The following TP73 variants were observed in gnomAD, a reference collection of about 807,000 sequenced individuals.
The protein encoded by TP73 is tumor protein p73.
A neutral mutation model predicts 62.5 loss-of-function variants in TP73; 25 were observed. The ratio of observed to expected loss-of-function variants is 0.40; its 90% CI spans 0.29 to 0.56. The LOEUF (loss-of-function observed/expected upper bound fraction) is 0.56. Ranked by LOEUF, TP73 falls within the 20% of genes least tolerant of loss-of-function variation. The pLI, the probability that TP73 is intolerant of heterozygous loss-of-function variation, is 0.46. For synonymous variants in TP73, 423 were observed against 377.5 expected, an observed-to-expected ratio of 1.12 and a Z score of -1.40; for missense variants, 754 against 913.3, an observed-to-expected ratio of 0.83 and a Z score of 2.25.
rs1192837278 is a variant in TP73 at position 3,663,493 on chromosome 1, A to T, written c.-34+10852A>T. Among the ~76,000 whole-genome samples, 1 of 152,122 alleles carries T rather than the reference A, an allele frequency of 6.6e-6. No homozygotes were observed. The highest frequency in any genetic ancestry group is 2.4e-5 in the African/African-American group (1 of 41,430). On this transcript the variant is annotated intron_variant, in intron 1 of 13. Coordinates refer to ENST00000378295, the MANE Select transcript of TP73 (RefSeq NM_005427.4). This position sits in a 1 kb window ranked among gnomAD's most constrained non-coding sequence, Gnocchi z 4.7. ...CACTTTGGGAGGCTGAGTCGGGCGG[A>T]TCACTAGGTCAGGAGATCGAGACTA...
intron 1 of TP73, among the ~76,000 whole-genome samples, chr1:3,658,527 A>G (rs779105837): frequency 7.2e-6 from 1 of 138,706 alleles, no homozygotes; most frequent in Non-Finnish European, 1.6e-5. Context: ...GTCTGGGCAT[A>G]AAGGCTGCCT....
chr1:3,688,762 C>T (rs1301491957), intron 3 of TP73, among the ~76,000 whole-genome samples: 1 of 152,184 alleles, frequency 6.6e-6, no homozygotes, highest in Non-Finnish European at 1.5e-5. Flanking sequence ...GCACTGGGAT[C>T]CCCGCAGCCT....
At chr1:3,732,434 C>G (rs188816414) in intron 13 of TP73, among the ~76,000 whole-genome samples, 4 of 150,406 alleles carry the variant, frequency 2.7e-5, no homozygotes, top group African/African-American at 9.6e-5. Context: ...CAGGGATGAG[C>G]TGGGGGTCCA....
chr1:3,663,389 T>A lies in TP73; in HGVS notation c.-34+10748T>A, dbSNP rs1343984853. On this transcript the variant is annotated intron_variant, in intron 1 of 13. Coordinates refer to ENST00000378295, the MANE Select transcript of TP73 (RefSeq NM_005427.4). The surrounding 1 kb of genome is among the most constrained non-coding windows in gnomAD (Gnocchi z 4.7). Reference sequence around the variant, plus strand: ...GAACTCTGCATATTTTCCTCCTGGGTTTGTGGGGTGTGGACAGCACGGAGC... The same window carrying A: ...GAACTCTGCATATTTTCCTCCTGGGATTGTGGGGTGTGGACAGCACGGAGC... Among the ~76,000 whole-genome samples the A allele has an allele frequency of 6.6e-6, 1 of 151,898 alleles. No individual in the cohort carries two copies. The highest frequency in any genetic ancestry group is 2.4e-5 in the African/African-American group (1 of 41,346).
At chr1:3,684,228 C>G (rs578022175) in intron 3 of TP73, among the ~76,000 whole-genome samples, 1 of 152,366 alleles carries the variant, frequency 6.6e-6, no homozygotes, top group East Asian at 1.9e-4. Context: ...TGCCCCGCCC[C>G]GCCTCCGCCG....
chr1:3,653,727 G>T (rs901862594), intron 1 of TP73, among the ~76,000 whole-genome samples: 1 of 152,196 alleles, frequency 6.6e-6, no homozygotes, highest in Non-Finnish European at 1.5e-5. Context: ...TAAACAAAGC[G>T]CGTGGCCTCT....
At chr1:3,676,883 C>T (rs1271371803) in intron 1 of TP73, among the ~76,000 whole-genome samples, 2 of 151,604 alleles carry the variant, frequency 1.3e-5, no homozygotes, top group Non-Finnish European at 2.9e-5. Context: ...GGCAGCTGCC[C>T]TGAGCAACGT....
At chr1:3,728,498 G>A (rs1024889028) in intron 9 of TP73, among the ~76,000 whole-genome samples, 6 of 152,204 alleles carry the variant, frequency 3.9e-5, no homozygotes, top group East Asian at 1.9e-4. Context: ...AGGGTGGTGC[G>A]GAGTGCCACC....
chr1:3,678,077 T>C (rs12062249), intron 1 of TP73, among the ~76,000 whole-genome samples: 4,022 of 152,330 alleles, frequency 0.026, 109 homozygotes, highest in African/African-American at 0.055. Flanking sequence ...ATGATGTTGA[T>C]AAAACTTCCT....
chr1:3,684,824 C>T (rs758944440), intron 3 of TP73, among the ~76,000 whole-genome samples: 32 of 148,098 alleles, frequency 2.2e-4, no homozygotes, highest in Non-Finnish European at 3.7e-4. Flanking sequence ...GTTCTAGTCC[C>T]GTGTTATGGG....
rs572457386 is a variant in TP73 at position 3,728,237 on chromosome 1, C to T, written c.1074+20C>T. The T allele has an allele frequency of 1.9e-5, 31 of 1,607,336 alleles. No individual in the cohort carries two copies. The highest frequency in any genetic ancestry group is 6.7e-5 in the Admixed American group (4 of 59,820). On this transcript the variant is annotated intron_variant, in intron 9 of 13. Coordinates refer to ENST00000378295, the MANE Select transcript of TP73 (RefSeq NM_005427.4). Reference sequence around the variant, plus strand: ...CTTCAGGTGAGTGTGTGCTCCTGCACGGCAGCCGGGAGACCTGCCTCACCT... The same window carrying T: ...CTTCAGGTGAGTGTGTGCTCCTGCATGGCAGCCGGGAGACCTGCCTCACCT...
intron 3 of TP73, among the ~76,000 whole-genome samples, chr1:3,693,934 G>A (rs796065736): frequency 1.4e-4 from 1 of 7,286 alleles, no homozygotes; most frequent in Non-Finnish European, 4.2e-4. Context: ...CCCTCCTCCC[G>A]CAATCCCAGC....
Position 3,730,926 on chromosome 1 carries a change from G to A in TP73, c.1346-1G>A. 1 of 1,601,758 alleles carries A rather than the reference G, an allele frequency of 6.2e-7. No individual in the cohort carries two copies. Among genetic ancestry groups the A allele is most frequent in the Non-Finnish European group, 8.5e-7 (1 of 1,174,772 alleles). On this transcript the variant is annotated splice_acceptor_variant, in intron 11 of 13. Coordinates refer to ENST00000378295, the MANE Select transcript of TP73 (RefSeq NM_005427.4). LOFTEE classifies it high-confidence loss of function. ...GATGGCCCCACCTGCCTCTCACCCA[G>A]GCCCCGGGATGCTCAACAACCATGG...
chr1:3,728,446 G>A (rs763481906), intron 9 of TP73, among the ~76,000 whole-genome samples: 1 of 152,226 alleles, frequency 6.6e-6, no homozygotes, highest in Non-Finnish European at 1.5e-5. Context: ...AAAACCCAGC[G>A]TCATGCCATT....
Position 3,729,450 on chromosome 1 carries a change from T to A in TP73, c.1196+2T>A, listed in dbSNP as rs1475803081. The A allele has an allele frequency of 6.2e-7, 1 of 1,612,616 alleles. No individual in the cohort carries two copies. The highest frequency in any genetic ancestry group is 1.1e-5 in the South Asian group (1 of 91,070). On this transcript the variant is annotated splice_donor_variant, in intron 10 of 13. Coordinates refer to ENST00000378295, the MANE Select transcript of TP73 (RefSeq NM_005427.4). LOFTEE classifies it high-confidence loss of function. ...GCAGCAGCAGCTCCTACAGAGGCCG[T>A]GAGTCAGCCCTAGCCCACCATCAGT...
chr1:3,664,951 C>T (rs2102024637), intron 1 of TP73, among the ~76,000 whole-genome samples: 1 of 152,330 alleles, frequency 6.6e-6, no homozygotes, highest in African/African-American at 2.4e-5. Context: ...TCGCAATTTG[C>T]ACCATGCACA....
Position 3,699,428 on chromosome 1 carries a change from G to A in TP73, c.187-8121G>A, listed in dbSNP as rs1410792565. On this transcript the variant is annotated intron_variant, in intron 3 of 13. Coordinates refer to ENST00000378295, the MANE Select transcript of TP73 (RefSeq NM_005427.4). The surrounding 1 kb of genome is among the most constrained non-coding windows in gnomAD (Gnocchi z 4.1). ...AGGGAACGAGGACACGGACCTCCTT[G>A]TTCTACAAGAGCTGGGGTCACAGCT... is the stretch of plus-strand genomic sequence containing the variant. 6.6e-6 allele frequency among the ~76,000 whole-genome samples: 1 copy of A among 152,182 alleles called. No homozygotes were observed. Among genetic ancestry groups the A allele is most frequent in the Non-Finnish European group, 1.5e-5 (1 of 68,024 alleles).
chr1:3,731,045 C>T lies in TP73; in HGVS notation c.1464C>T (p.His488=), dbSNP rs540572117. 67 of 1,612,026 alleles carry T rather than the reference C, an allele frequency of 4.2e-5. No individual in the cohort carries two copies. Among genetic ancestry groups the T allele is most frequent in the South Asian group, 1.5e-4 (14 of 91,044 alleles). Residue 488 remains histidine (H), a synonymous_variant, in exon 12 of 14, where the codon CAC becomes CAT. Transcript: ENST00000378295. The part of the protein sequence containing the change: ...GSHCTPPPPY[H]ADPSLVSFLT... Reference sequence around the variant, plus strand: ...ACTGCACTCCGCCACCCCCCTACCACGCCGACCCCAGCCTCGTCAGGTGCG... The same window carrying T: ...ACTGCACTCCGCCACCCCCCTACCATGCCGACCCCAGCCTCGTCAGGTGCG...
At chr1:3,704,253 A>G (rs1194709379) in intron 3 of TP73, among the ~76,000 whole-genome samples, 3 of 152,186 alleles carry the variant, frequency 2.0e-5, no homozygotes, top group African/African-American at 7.2e-5. Context: ...TATTTCCTGT[A>G]TTCACCCGTA....
Sources: allele counts gnomAD v4.1 joint callset (sites outside exome capture counted in the v4.1 genomes callset), GRCh38; gene constraint gnomAD v4.1.1; non-coding constraint Gnocchi (gnomAD v3.1); transcripts MANE v1.5; gene names NCBI Gene and HGNC (gene_info 2026-07-23, HGNC 2026-07-21).